Variants in DDX60L observed in about 807,000 individuals in gnomAD.
The protein encoded by DDX60L is probable ATP-dependent RNA helicase DDX60-like.
Under a neutral mutation model 211.6 loss-of-function variants are expected in DDX60L, and 191 were observed. The observed-to-expected ratio is 0.90, with a 90% CI of 0.80 to 1.02. DDX60L has a LOEUF of 1.02. DDX60L is among the 50% of genes least tolerant of loss of function. DDX60L has a pLI of 0.00. For missense variants in DDX60L, 2,007 were observed against 1,984.1 expected (o/e 1.01, Z -0.22); for synonymous variants, 706 against 694.1 (o/e 1.02, Z -0.27).
In DDX60L at chr4:168,472,497, C is replaced by A; in HGVS notation, c.32G>T (p.Arg11Met). The A allele has an allele frequency of 6.3e-7, 1 of 1,576,972 alleles. No homozygotes were observed. Among genetic ancestry groups the A allele is most frequent in the East Asian group, 2.3e-5 (1 of 43,338 alleles). ...ATTCAAAATTAACTGTGTCATTTCC[C>A]TGAAAAATACTGCATGATCCTTTGA... MGSKDHAVFFREMTQLILNEM... is the reference protein window; with the variant it reads MGSKDHAVFFMEMTQLILNEM... The change falls in exon 3 of 38, where the codon AGG (arginine) becomes ATG (methionine). Residue 11 changes from arginine (R) to methionine (M), a missense_variant. By Grantham distance (91) the Arg-to-Met change is moderately conservative (BLOSUM62 -1). Coordinates refer to ENST00000682922, the MANE Select transcript of DDX60L (RefSeq NM_001012967.3).
At chr4:168,432,634 G>T in intron 11 of DDX60L, 64 bp from the exon 12 acceptor site, 1 of 940,302 alleles carries the variant, frequency 1.1e-6, no homozygotes, top group Non-Finnish European at 1.5e-6. Flanking sequence ...ACAAACTTCA[G>T]GCTGTGATAA....
chr4:168,422,691 T>C (rs1750827029), intron 15 of DDX60L, 21 bp from the exon 16 acceptor site: 1 of 1,512,338 alleles, frequency 6.6e-7, no homozygotes, highest in Non-Finnish European at 8.9e-7. Flanking sequence ...AATATATTAT[T>C]TGAAATCAAC....
At position 168,427,203 on chromosome 4, in the gene DDX60L, G is replaced by T. The variant is rs1357424549; in HGVS notation, c.1797C>A (p.Asn599Lys). 6.2e-7 allele frequency: 1 copy of T among 1,613,280 alleles called. No homozygotes were observed. The highest frequency in any genetic ancestry group is 1.3e-5 in the African/African-American group (1 of 74,894). ...ATTTCCTTATTCCAGAATGTAAATTGTTCTTCATCTCCTCTTCAATAGAAA... is the reference window on the plus strand; with the variant it reads ...ATTTCCTTATTCCAGAATGTAAATTTTTCTTCATCTCCTCTTCAATAGAAA... ...LLFSIEEEMK[N>K]NLHSGIRKLE... The change falls in exon 14 of 38, where the codon AAC becomes AAA. Residue 599 changes from asparagine (N) to lysine (K), a missense_variant. Asn to Lys is a moderately conservative substitution (Grantham distance 94). Coordinates refer to ENST00000682922, the MANE Select transcript of DDX60L (RefSeq NM_001012967.3).
intron 8 of DDX60L, among the ~76,000 whole-genome samples, chr4:168,452,711 G>A (rs536987125): frequency 2.6e-5 from 4 of 151,814 alleles, no homozygotes; most frequent in African/African-American, 7.3e-5. Context: ...AATATTAACC[G>A]TTAACAGTAT....
rs377474077 is a variant in DDX60L at position 168,448,710 on chromosome 4, G to A, written c.1066C>T (p.His356Tyr). The A allele has an allele frequency of 2.5e-5, 40 of 1,604,426 alleles. No homozygotes were observed. The African/African-American group carries it at 3.9e-4, about 16-fold the overall frequency. Reference sequence around the variant, plus strand: ...TGCTCATCATACAAGTCAGAAACATGATTTAAATTCAGATTCCAGCATCCA... The same window carrying A: ...TGCTCATCATACAAGTCAGAAACATAATTTAAATTCAGATTCCAGCATCCA... Reference protein sequence around the residue: ...VFGCWNLNLNHVSDLYDEQLL... With the variant: ...VFGCWNLNLNYVSDLYDEQLL... The change falls in exon 9 of 38, where the codon CAT (histidine) becomes TAT (tyrosine). Residue 356 changes from histidine (H) to tyrosine (Y), a missense_variant. Coordinates refer to ENST00000682922, the MANE Select transcript of DDX60L (RefSeq NM_001012967.3).
In DDX60L at chr4:168,477,486, A is replaced by C. The variant is rs543772277; in HGVS notation, c.-111+2891T>G. On this transcript the variant is annotated intron_variant, in intron 1 of 37. Transcript: ENST00000682922. ...GTGCTATCGTTCTTTTAATCTAAAA[A>C]TCCATGAATTGCAAGATACACCATC... 2.6e-5 allele frequency among the ~76,000 whole-genome samples: 4 copies of C among 152,298 alleles called. No individual in the cohort carries two copies. The East Asian group carries it at 7.7e-4, about 29-fold the overall frequency.
intron 9 of DDX60L, among the ~76,000 whole-genome samples, chr4:168,445,414 G>A (rs1283620687): frequency 6.6e-6 from 1 of 151,110 alleles, no homozygotes; most frequent in East Asian, 2.0e-4. Context: ...AAGAGTCCAG[G>A]ACCAGATGGA....
At chr4:168,382,368 C>T (rs1290712211) in intron 30 of DDX60L, among the ~76,000 whole-genome samples, 2 of 152,150 alleles carry the variant, frequency 1.3e-5, no homozygotes, top group African/African-American at 2.4e-5. Context: ...GTGGAACTAT[C>T]GCTTCTTGGC....
intron 35 of DDX60L, among the ~76,000 whole-genome samples, chr4:168,373,360 AT>A (rs1258260259): frequency 6.6e-6 from 1 of 152,092 alleles, no homozygotes; most frequent in East Asian, 1.9e-4. Context: ...TCTATGATCA[AT>A]TTTAGAAAAA....
intron 22 of DDX60L, among the ~76,000 whole-genome samples, chr4:168,408,764 C>A (rs1180546179): frequency 1.3e-5 from 2 of 152,182 alleles, no homozygotes; most frequent in Non-Finnish European, 2.9e-5. Flanking sequence ...TCTTTTACGG[C>A]AGCATAATTT....
intron 14 of DDX60L, 72 bp downstream of exon 14, chr4:168,426,998 A>AG (rs1751557361): frequency 6.9e-7 from 1 of 1,439,530 alleles, no homozygotes; most frequent in African/African-American, 1.4e-5. Flanking sequence ...ACAACCATGC[A>AG]TTCAGTAAAT....
intron 35 of DDX60L, among the ~76,000 whole-genome samples, chr4:168,373,425 T>TA (rs894300224): frequency 6.6e-5 from 10 of 151,912 alleles, no homozygotes; most frequent in East Asian, 5.8e-4. Context: ...AAACCTCATT[T>TA]AAAAAAATGA....
Position 168,456,028 on chromosome 4 carries a change from T to C in DDX60L, c.837+11A>G, listed in dbSNP as rs765012973. 9 of 1,561,792 alleles carry C rather than the reference T, an allele frequency of 5.8e-6. No homozygotes were observed. In the Admixed American group the frequency reaches 7.7e-5, roughly 13 times the overall value. Reference sequence around the variant, plus strand: ...AGCTTTCTGCCTGGCGGCTGTGTTCTTTTTACTTACTAAGACACGATGGTA... The same window carrying C: ...AGCTTTCTGCCTGGCGGCTGTGTTCCTTTTACTTACTAAGACACGATGGTA... On this transcript the variant is annotated intron_variant, in intron 7 of 37. Transcript: ENST00000682922.
chr4:168,391,669 C>G (rs767427439), intron 28 of DDX60L, 25 bp from the exon 29 acceptor site: 12 of 1,197,588 alleles, frequency 1.0e-5, no homozygotes, highest in Non-Finnish European at 3.5e-6. Context: ...AAAAAACAGT[C>G]AATACACAAT....
At chr4:168,449,325 T>G (rs1474182103) in intron 8 of DDX60L, among the ~76,000 whole-genome samples, 2 of 150,592 alleles carry the variant, frequency 1.3e-5, no homozygotes, top group East Asian at 3.9e-4. Context: ...GGGACATGGA[T>G]GAAATTGGAA....
Position 168,457,480 on chromosome 4 carries a change from T to C in DDX60L, c.723+412A>G, listed in dbSNP as rs530184949. ...AAAGAAAGAGGTGCTTAGTAATCCA[T>C]CATGATAAATAGTAGTATAAAGCAT... On this transcript the variant is annotated intron_variant, in intron 6 of 37. Coordinates refer to ENST00000682922, the MANE Select transcript of DDX60L (RefSeq NM_001012967.3). Among the ~76,000 whole-genome samples the C allele has an allele frequency of 2.1e-3, 316 of 151,242 alleles. 2 individuals carry two copies. Among genetic ancestry groups the C allele is most frequent in the Middle Eastern group, 0.014 (4 of 288 alleles).
At chr4:168,416,454 T>C (rs1432979943) in intron 20 of DDX60L, among the ~76,000 whole-genome samples, 1 of 147,790 alleles carries the variant, frequency 6.8e-6, no homozygotes, top group African/African-American at 2.6e-5. Flanking sequence ...CATGGTAATG[T>C]ACACCTGTGG....
chr4:168,407,322 T>C (rs1490578773), intron 22 of DDX60L, among the ~76,000 whole-genome samples: 1 of 152,210 alleles, frequency 6.6e-6, no homozygotes, highest in East Asian at 1.9e-4. Context: ...TTAGAACTCA[T>C]GCACTACTTT....
chr4:168,460,788 C>T (rs111907910), intron 5 of DDX60L, among the ~76,000 whole-genome samples: 3 of 152,198 alleles, frequency 2.0e-5, no homozygotes, highest in South Asian at 2.1e-4. Context: ...ACTTCAGACA[C>T]GAATCACAAA....
Sources: gnomAD v4.1 joint callset for allele counts (sites outside exome capture counted in the v4.1 genomes callset) on GRCh38, gnomAD v4.1.1 for gene constraint, MANE v1.5 for transcripts, NCBI Gene and HGNC (gene_info 2026-07-23, HGNC 2026-07-21) for gene names.